The following MAGI2 variants were observed in gnomAD, a reference collection of about 807,000 sequenced individuals.
MAGI2 encodes membrane associated guanylate kinase, WW and PDZ domain containing 2.
In MAGI2, 35 loss-of-function variants were observed where a neutral mutation model predicts 133.3. That is an observed-to-expected ratio of 0.26 (90% CI 0.20 to 0.35). The LOEUF (loss-of-function observed/expected upper bound fraction) is 0.35, where lower values mean the gene tolerates loss of function less well. Ranked by LOEUF, MAGI2 falls within the 10% of genes least tolerant of loss-of-function variation. The pLI, the probability that MAGI2 is intolerant of heterozygous loss-of-function variation, is 1.00. For missense variants in MAGI2, 1,636 were observed against 1,863.4 expected (o/e 0.88, Z 2.25); for synonymous variants, 729 against 710.6 (o/e 1.03, Z -0.41).
At chr7:78,941,277 C>T (rs537873559) in intron 2 of MAGI2, among the ~76,000 whole-genome samples, 9 of 152,272 alleles carry the variant, frequency 5.9e-5, no homozygotes, top group African/African-American at 1.9e-4. Flanking sequence ...CTCCTTCTGC[C>T]TTCTCAAAAC....
chr7:79,173,853 T>C (rs2129549222), intron 1 of MAGI2, among the ~76,000 whole-genome samples: 1 of 152,120 alleles, frequency 6.6e-6, no homozygotes, highest in South Asian at 2.1e-4. Flanking sequence ...CCTTAACATA[T>C]ACCAGAATAT....
At chr7:78,464,243 C>T (rs954569699) in intron 6 of MAGI2, among the ~76,000 whole-genome samples, 5 of 152,100 alleles carry the variant, frequency 3.3e-5, no homozygotes, top group South Asian at 2.1e-4. Flanking sequence ...CCCACTCATG[C>T]TTTAACCCAC....
At chr7:78,862,791 G>A (rs73143040) in intron 2 of MAGI2, among the ~76,000 whole-genome samples, 9,541 of 152,168 alleles carry the variant, frequency 0.063, 366 homozygotes, top group Middle Eastern at 0.11. Context: ...ATTTTGCTAC[G>A]ATACCACAGA....
intron 2 of MAGI2, among the ~76,000 whole-genome samples, chr7:78,632,159 G>A (rs1395298927): frequency 6.6e-6 from 1 of 152,142 alleles, no homozygotes; most frequent in Non-Finnish European, 1.5e-5. Flanking sequence ...AGATGCTTGA[G>A]CTATATCTCT....
intron 3 of MAGI2, among the ~76,000 whole-genome samples, chr7:78,586,059 C>T (rs544095163): frequency 2.6e-5 from 4 of 152,206 alleles, no homozygotes; most frequent in South Asian, 2.1e-4. Context: ...AAATGATGAC[C>T]GAGTGCACCA....
At chr7:79,443,058 G>C (rs1563228810) in intron 1 of MAGI2, among the ~76,000 whole-genome samples, 2 of 152,060 alleles carry the variant, frequency 1.3e-5, no homozygotes, top group Admixed American at 6.6e-5. Flanking sequence ...GATCACTTGA[G>C]GTCAGGAGTT....
At chr7:78,683,449 G>T (rs1432754275) in intron 2 of MAGI2, among the ~76,000 whole-genome samples, 1 of 152,142 alleles carries the variant, frequency 6.6e-6, no homozygotes, top group East Asian at 1.9e-4. Context: ...AAAGTTATTG[G>T]ATTTACTGAT....
chr7:78,495,767 A>G (rs1403975027), intron 5 of MAGI2, among the ~76,000 whole-genome samples: 9 of 152,228 alleles, frequency 5.9e-5, no homozygotes, highest in African/African-American at 1.9e-4. Flanking sequence ...ATATTTTTAA[A>G]GAAGTTTCAT....
intron 1 of MAGI2, among the ~76,000 whole-genome samples, chr7:79,244,276 G>T (rs958056464): frequency 7.2e-5 from 11 of 152,160 alleles, no homozygotes; most frequent in African/African-American, 2.4e-4. Flanking sequence ...ACAGAAAAGT[G>T]CCTTCATAAG....
chr7:78,702,862 T>C (rs1044743093), intron 2 of MAGI2, among the ~76,000 whole-genome samples: 1 of 152,028 alleles, frequency 6.6e-6, no homozygotes, highest in Non-Finnish European at 1.5e-5. Flanking sequence ...GGTGGAATTG[T>C]CTGCTATGCA....
chr7:79,123,586 G>A (rs1356768018), intron 1 of MAGI2, among the ~76,000 whole-genome samples: 4 of 151,944 alleles, frequency 2.6e-5, no homozygotes, highest in Non-Finnish European at 5.9e-5. Context: ...AGGAGTTTGA[G>A]ACCAGCCTGA....
intron 1 of MAGI2, among the ~76,000 whole-genome samples, chr7:79,290,975 TTTAG>T (rs1455703241): frequency 4.6e-5 from 7 of 152,110 alleles, no homozygotes; most frequent in African/African-American, 1.2e-4. Context: ...TTCAGTGGCT[TTTAG>T]TTAGTCACAG....
At chr7:78,907,964 A>T (rs2151607363) in intron 2 of MAGI2, among the ~76,000 whole-genome samples, 1 of 152,364 alleles carries the variant, frequency 6.6e-6, no homozygotes, top group South Asian at 2.1e-4. Flanking sequence ...TGAAGAAGGG[A>T]ATATTGGAGT....
chr7:78,631,060 C>T (rs766783981), intron 2 of MAGI2, among the ~76,000 whole-genome samples: 3 of 152,074 alleles, frequency 2.0e-5, no homozygotes, highest in Non-Finnish European at 2.9e-5. Context: ...AGCTTCCTGT[C>T]GAAGGTTGCA....
intron 1 of MAGI2, among the ~76,000 whole-genome samples, chr7:79,097,281 C>A (rs370944003): frequency 2.6e-5 from 4 of 152,150 alleles, no homozygotes; most frequent in East Asian, 1.9e-4. Flanking sequence ...GAGAAACTGG[C>A]ACATTTATTT....
At chr7:78,199,930 G>A (rs951816457) in intron 11 of MAGI2, among the ~76,000 whole-genome samples, 2 of 152,182 alleles carry the variant, frequency 1.3e-5, no homozygotes, top group Non-Finnish European at 2.9e-5. Context: ...GAGGTCGCAA[G>A]GTTCCTTGTT....
chr7:79,312,618 A>G (rs1455488367), intron 1 of MAGI2, among the ~76,000 whole-genome samples: 1 of 152,168 alleles, frequency 6.6e-6, no homozygotes, highest in African/African-American at 2.4e-5. Flanking sequence ...TTTATTGTCT[A>G]TAATTCCTCT....
intron 1 of MAGI2, among the ~76,000 whole-genome samples, chr7:79,129,356 T>C (rs1820709268): frequency 1.3e-5 from 2 of 152,314 alleles, no homozygotes; most frequent in South Asian, 2.1e-4. Context: ...AAATCTTAAG[T>C]TGAATCCTCA....
chr7:78,566,674 T>C (rs1012286952), intron 3 of MAGI2, among the ~76,000 whole-genome samples: 7 of 152,148 alleles, frequency 4.6e-5, no homozygotes, highest in African/African-American at 1.2e-4. Context: ...ATACCATGAA[T>C]ACTTTCATTG....
Sources: gnomAD v4.1 joint callset for allele counts (sites outside exome capture counted in the v4.1 genomes callset) on GRCh38, gnomAD v4.1.1 for gene constraint, MANE v1.5 for transcripts, NCBI Gene and HGNC (gene_info 2026-07-23, HGNC 2026-07-21) for gene names.